Variants in FARP1 observed in about 807,000 individuals in gnomAD.
FARP1 encodes the protein FERM, ARH/RhoGEF and pleckstrin domain protein 1, also known as FERM, ARHGEF and pleckstrin domain-containing protein 1.
In FARP1, 52 loss-of-function variants were observed where a neutral mutation model predicts 128.8. That is an observed-to-expected ratio of 0.40 (90% confidence interval 0.32 to 0.51). FARP1 has a LOEUF of 0.51. Among genes scored for constraint, FARP1 ranks in the 20% least tolerant of loss-of-function variants. The pLI, the probability that FARP1 is intolerant of heterozygous loss-of-function variation, is 0.45. For synonymous variants in FARP1, 580 were observed against 551.8 expected (o/e 1.05, Z -0.72); for missense variants, 1,333 against 1,367.9 (o/e 0.97, Z 0.40).
intron 2 of FARP1, among the ~76,000 whole-genome samples, chr13:98,303,312 G>A (rs1885997030): frequency 6.6e-6 from 1 of 152,168 alleles, no homozygotes; most frequent in Admixed American, 6.5e-5. Flanking sequence ...ACTGGATTGT[G>A]GTGATGTTTG....
intron 2 of FARP1, among the ~76,000 whole-genome samples, chr13:98,253,100 T>C (rs1286796852): frequency 6.6e-6 from 1 of 152,214 alleles, no homozygotes; most frequent in African/African-American, 2.4e-5. Context: ...GTATGTTGAT[T>C]TAGTCTGCGA....
At chr13:98,398,013 C>T (rs1233250317) in intron 13 of FARP1, 2 of 151,696 alleles carry the variant, frequency 1.3e-5, no homozygotes, top group Non-Finnish European at 2.9e-5. Flanking sequence ...TGCCACCATA[C>T]CAGGGCCTCA....
At chr13:98,419,771 G>A (rs185588816) in intron 16 of FARP1, among the ~76,000 whole-genome samples, 1 of 152,134 alleles carries the variant, frequency 6.6e-6, no homozygotes, top group Admixed American at 6.5e-5. Flanking sequence ...ATCTATTTTC[G>A]GGGTGGAGCA....
At chr13:98,152,687 T>C (rs184343241) in intron 1 of FARP1, among the ~76,000 whole-genome samples, 13 of 152,356 alleles carry the variant, frequency 8.5e-5, no homozygotes, top group Non-Finnish European at 1.5e-4. Flanking sequence ...ATGACTGATA[T>C]ATTAATTGGG....
At chr13:98,432,027 A>G (rs1156532230) in intron 18 of FARP1, 6 of 152,206 alleles carry the variant, frequency 3.9e-5, no homozygotes, top group Admixed American at 2.0e-4. Context: ...CCATCAGCAT[A>G]ATGAGCATCT....
chr13:98,370,544 AG>A (rs936612265), intron 5 of FARP1, among the ~76,000 whole-genome samples: 34 of 105,752 alleles, frequency 3.2e-4, no homozygotes, highest in African/African-American at 1.3e-3. Context: ...AGGGAGGGAG[AG>A]GGGGCACTTA....
chr13:98,282,490 T>G (rs930280328), intron 2 of FARP1, among the ~76,000 whole-genome samples: 3 of 152,092 alleles, frequency 2.0e-5, no homozygotes, highest in African/African-American at 7.2e-5. Flanking sequence ...ATAGTAAAAA[T>G]AGTAATAATA....
intron 2 of FARP1, among the ~76,000 whole-genome samples, chr13:98,254,896 G>C (rs1883509914): frequency 6.6e-6 from 1 of 151,454 alleles, no homozygotes; most frequent in African/African-American, 2.4e-5. Context: ...TGTAGCTGGG[G>C]CAAAGAAAAA....
chr13:98,279,816 A>C (rs1566827535), intron 2 of FARP1, among the ~76,000 whole-genome samples: 1 of 152,142 alleles, frequency 6.6e-6, no homozygotes. Context: ...GATCCCAAGA[A>C]AGGATGTAGG....
rs3742136 is a variant in FARP1, at chr13:98,450,353, C to T, written c.*2036C>T. 0.26 allele frequency: 39,547 copies of T among 152,160 alleles called. 5,285 individuals are homozygous for T. Among genetic ancestry groups the T allele is most frequent in the Non-Finnish European group, 0.3 (20,266 of 67,994 alleles). The allele number at this position is 152,160 out of a possible 1,614,324, so 9.4% of individuals were successfully genotyped here. A position where few individuals can be genotyped will look rare whatever the true frequency, so the allele number is the denominator to read the frequency against. On this transcript the variant is annotated 3_prime_UTR_variant, in exon 27 of 27. Coordinates refer to ENST00000319562, the MANE Select transcript of FARP1 (RefSeq NM_005766.4). The stretch of plus-strand genomic sequence containing the variant: ...GGGAAATATAAAAAATGTTTATAAA[C>T]TGACAGTGTTTTGCCAGAGGAAAGG...
intron 2 of FARP1, among the ~76,000 whole-genome samples, chr13:98,281,217 G>T (rs1442217556): frequency 6.6e-6 from 1 of 152,092 alleles, no homozygotes; most frequent in Non-Finnish European, 1.5e-5. Context: ...GCTGGGTGTG[G>T]TGGCACGCAC....
intron 1 of FARP1, among the ~76,000 whole-genome samples, chr13:98,145,889 G>T (rs182402049): frequency 9.6e-4 from 136 of 141,270 alleles, no homozygotes; most frequent in African/African-American, 3.1e-3. Context: ...AGAGAAAAAA[G>T]GAACTGCCCA....
intron 1 of FARP1, among the ~76,000 whole-genome samples, chr13:98,144,167 C>T (rs1875321179): frequency 6.6e-6 from 1 of 152,030 alleles, no homozygotes; most frequent in Admixed American, 6.6e-5. Flanking sequence ...GTTCCGGAAA[C>T]TTTAGCTGTG....
At chr13:98,388,283 C>T in intron 8 of FARP1, 100 bp from the exon 9 acceptor site, 3 of 819,108 alleles carry the variant, frequency 3.7e-6, no homozygotes, top group Non-Finnish European at 6.3e-6. Context: ...GAGCAGTCGC[C>T]TGCCAGCCCT....
At chr13:98,435,764 G>T (rs1377050303) in intron 19 of FARP1, 58 bp downstream of exon 19, 20 of 1,579,380 alleles carry the variant, frequency 1.3e-5, no homozygotes, top group Non-Finnish European at 1.7e-5. Context: ...GGCATCGGAG[G>T]GACTTACATT....
At chr13:98,345,168 G>A (rs1482787681) in intron 3 of FARP1, among the ~76,000 whole-genome samples, 1 of 152,128 alleles carries the variant, frequency 6.6e-6, no homozygotes, top group South Asian at 2.1e-4. Context: ...TGAAGATACC[G>A]TTATCTCATT....
chr13:98,245,583 C>T (rs957021008), intron 2 of FARP1, among the ~76,000 whole-genome samples: 2 of 152,132 alleles, frequency 1.3e-5, no homozygotes, highest in African/African-American at 2.4e-5. Flanking sequence ...CAAGCCTGAG[C>T]TAGATAGAAT....
chr13:98,244,872 A>G lies in FARP1; in HGVS notation c.171+31459A>G, dbSNP rs1882976335. The G allele has an allele frequency of 2.4e-5, 34 of 1,437,166 alleles. No individual in the cohort carries two copies. In the South Asian group the frequency reaches 4.8e-4, roughly 20 times the overall value. 89.0% of individuals were successfully genotyped at this position (1,437,166 alleles called of 1,614,324 possible). ...TGTGATCTCAGATACGTGAAGCTGC[A>G]TACAGAGGGGCCCATCCACTCCTAA... On this transcript the variant is annotated intron_variant, in intron 2 of 26. Transcript: ENST00000319562.
At position 98,424,624 on chromosome 13, in the gene FARP1, ATGC is replaced by A; in HGVS notation, c.1882_1884del (p.Leu628del). ...AGATTACCAAAGAATCGGCGATGTCATGCTGAAGAACATTCAGGGCATGAAGGT... is the reference window on the plus strand; with the variant it reads ...AGATTACCAAAGAATCGGCGATGTCATGAAGAACATTCAGGGCATGAAGGT... On this transcript the variant is annotated inframe_deletion, in exon 17 of 27. Coordinates refer to ENST00000319562, the MANE Select transcript of FARP1 (RefSeq NM_005766.4). The A allele has an allele frequency of 6.2e-7, 1 of 1,613,838 alleles. No individual in the cohort carries two copies. Among genetic ancestry groups the A allele is most frequent in the Non-Finnish European group, 8.5e-7 (1 of 1,179,688 alleles).
Sources: allele counts gnomAD v4.1 joint callset (sites outside exome capture counted in the v4.1 genomes callset), GRCh38; gene constraint gnomAD v4.1.1; transcripts MANE v1.5; gene names NCBI Gene and HGNC (gene_info 2026-07-23, HGNC 2026-07-21).